STX6: variants seen among roughly 807,000 people sequenced by gnomAD.
STX6 encodes the protein syntaxin 6.
Under a neutral mutation model 38.0 loss-of-function variants are expected in STX6, and 23 were observed. The ratio of observed to expected loss-of-function variants is 0.60; its 90% CI spans 0.43 to 0.86. STX6 has a LOEUF of 0.86. Among genes scored for constraint, STX6 ranks in the 40% least tolerant of loss-of-function variants. The pLI is 0.00. For synonymous variants in STX6, 123 were observed against 107.5 expected, an observed-to-expected ratio of 1.14 and a Z score of -0.89; for missense variants, 274 against 312.9, an observed-to-expected ratio of 0.88 and a Z score of 0.94.
intron 3 of STX6, among the ~76,000 whole-genome samples, chr1:180,998,940 G>A (rs1017587541): frequency 6.6e-6 from 1 of 152,184 alleles, no homozygotes; most frequent in African/African-American, 2.4e-5. Flanking sequence ...GGTTATTTAT[G>A]CTTCTGTTCC....
At position 181,005,381 on chromosome 1, in the gene STX6, T is replaced by C; in HGVS notation, c.118A>G (p.Arg40Gly). The C allele has an allele frequency of 6.2e-7, 1 of 1,614,082 alleles. No homozygotes were observed. ...ELLQDPSTAT[R>G]EEIDWTTNEL... ...TTGGTGGTCCAGTCGATTTCTTCCC[T>C]TGTTGCTGTGGAGGGGTCCTGGAGG... The change falls in exon 2 of 8, where the codon AGG becomes GGG. Residue 40 changes from arginine (R) to glycine (G), a missense_variant. Transcript: ENST00000258301.
Position 180,993,399 on chromosome 1 carries a change from T to G in STX6, c.327A>C (p.Ser109=), listed in dbSNP as rs778304136. The change falls in exon 4 of 8, where the codon TCA becomes TCC. Residue 109 remains serine, a synonymous_variant. Coordinates refer to ENST00000258301, the MANE Select transcript of STX6 (RefSeq NM_005819.6). ...TTCTTTCAGCTAATGCCTGCACAGA[T>G]GAAGTTGACATCTGATCTTTCATGT... ...VRDMKDQMST[S]SVQALAERKN... The G allele has an allele frequency of 6.3e-7, 1 of 1,599,894 alleles. No homozygotes were observed.
intron 1 of STX6, among the ~76,000 whole-genome samples, chr1:181,020,229 T>C (rs569690769): frequency 6.6e-6 from 1 of 152,204 alleles, no homozygotes; most frequent in East Asian, 1.9e-4. Context: ...AAAAAAAATG[T>C]ATTTAATGAA....
Position 181,014,123 on chromosome 1 carries a change from C to T in STX6, c.35+8516G>A, listed in dbSNP as rs557371154. ...AATTTAATAAAAACAAACAGCCGGG[C>T]GTGGTGGCTCACGCCTGTAATCCCA... On this transcript the variant is annotated intron_variant, in intron 1 of 7. Coordinates refer to ENST00000258301, the MANE Select transcript of STX6 (RefSeq NM_005819.6). 1.6e-4 allele frequency among the ~76,000 whole-genome samples: 24 copies of T among 152,222 alleles called. No individual in the cohort carries two copies. The South Asian group carries it at 4.4e-3, about 28-fold the overall frequency.
At chr1:181,007,984 T>C in intron 1 of STX6, among the ~76,000 whole-genome samples, 1 of 152,182 alleles carries the variant, frequency 6.6e-6, no homozygotes. Flanking sequence ...GACATACATT[T>C]TGGTAGAAGC....
Position 180,975,204 on chromosome 1 carries a change from T to C in STX6, c.*1366A>G, listed in dbSNP as rs1357762172. 6.6e-6 allele frequency: 1 copy of C among 152,644 alleles called. No individual in the cohort carries two copies. Among genetic ancestry groups the C allele is most frequent in the Admixed American group, 6.5e-5 (1 of 15,288 alleles). The allele number at this position is 152,644 out of a possible 1,614,324, so 9.5% of individuals were successfully genotyped here. On this transcript the variant is annotated 3_prime_UTR_variant, in exon 8 of 8. Transcript: ENST00000258301. ...TCCAGATGTTGCTGTTCTTTCCAAG[T>C]GCAAAAGAAGGTGGTGAGGAGAGAC...
rs1412802063 is a variant in STX6 at position 181,005,412 on chromosome 1, T to G, written c.87A>C (p.Thr29=). The change falls in exon 2 of 8, where the codon ACA becomes ACC. Residue 29 remains threonine, a synonymous_variant. Transcript: ENST00000258301. ...CTGTGGAGGGGTCCTGGAGGAGCTC[T>G]GTCCATCTCTGAAACAATCCCTGGG... ...NTAQGLFQRW[T]ELLQDPSTAT... is the part of the protein sequence containing the mutation. 6.2e-7 allele frequency: 1 copy of G among 1,614,096 alleles called. No homozygotes were observed. The highest frequency in any genetic ancestry group is 8.5e-7 in the Non-Finnish European group (1 of 1,179,958).
At chr1:181,012,267 T>C (rs1230532516) in intron 1 of STX6, among the ~76,000 whole-genome samples, 1 of 152,202 alleles carries the variant, frequency 6.6e-6, no homozygotes, top group Non-Finnish European at 1.5e-5. Context: ...AGAAGCCTTT[T>C]TCAAATCCTT....
At chr1:181,022,208 C>A (rs1241627354) in intron 1 of STX6, among the ~76,000 whole-genome samples, 1 of 152,070 alleles carries the variant, frequency 6.6e-6, no homozygotes, top group Non-Finnish European at 1.5e-5. Context: ...AGCTCACCCC[C>A]GTCAACGCGA....
chr1:180,988,047 C>A (rs1655640220), intron 6 of STX6, 192 bp downstream of exon 6: 1 of 468,448 alleles, frequency 2.1e-6, no homozygotes, highest in Non-Finnish European at 3.9e-6. Flanking sequence ...TCACCTAAAG[C>A]CTGTAGTAAA....
At chr1:180,991,907 T>A (rs1278148051) in intron 4 of STX6, among the ~76,000 whole-genome samples, 1 of 128,904 alleles carries the variant, frequency 7.8e-6, no homozygotes, top group Non-Finnish European at 1.6e-5. Context: ...AATACATACA[T>A]GTATATATAC....
chr1:181,017,217 T>G (rs1319870755), intron 1 of STX6, among the ~76,000 whole-genome samples: 1 of 150,148 alleles, frequency 6.7e-6, no homozygotes, highest in Non-Finnish European at 1.5e-5. Flanking sequence ...AAACCCCGTA[T>G]CTACTGAAAA....
At chr1:180,999,934 C>T (rs775614075) in intron 3 of STX6, among the ~76,000 whole-genome samples, 8 of 152,168 alleles carry the variant, frequency 5.3e-5, no homozygotes, top group Admixed American at 1.3e-4. Context: ...TCTCTACATA[C>T]AAACACTGTT....
rs1655157845 is a variant in STX6, at chr1:180,972,876, A to C, written c.*3694T>G. 1 of 144,242 alleles carries C rather than the reference A, an allele frequency of 6.9e-6. No homozygotes were observed. 8.9% of individuals were successfully genotyped at this position (144,242 alleles called of 1,614,324 possible). A position where few individuals can be genotyped will look rare whatever the true frequency, so the allele number is the denominator to read the frequency against. On this transcript the variant is annotated 3_prime_UTR_variant, in exon 8 of 8. Transcript: ENST00000258301. ...TCTGGTTTGGTTTTATTTTTTAATC[A>C]AAAAAAAAAAAAGGAGAGAAAGAAA...
intron 4 of STX6, among the ~76,000 whole-genome samples, chr1:180,992,575 A>T (rs2102311092): frequency 6.6e-6 from 1 of 152,340 alleles, no homozygotes; most frequent in South Asian, 2.1e-4. Flanking sequence ...ATGGATATCC[A>T]CAGAATTTAA....
chr1:180,999,003 C>A (rs139287560), intron 3 of STX6, among the ~76,000 whole-genome samples: 1 of 152,224 alleles, frequency 6.6e-6, no homozygotes, highest in Non-Finnish European at 1.5e-5. Flanking sequence ...AACCCCAGTG[C>A]TTCCCACTCA....
At chr1:180,992,869 T>TA (rs1465661145) in intron 4 of STX6, among the ~76,000 whole-genome samples, 4 of 152,196 alleles carry the variant, frequency 2.6e-5, no homozygotes, top group Admixed American at 6.5e-5. Flanking sequence ...TGTCAATCCT[T>TA]AGATGTCTAA....
At chr1:181,011,303 C>T (rs1355761295) in intron 1 of STX6, among the ~76,000 whole-genome samples, 7 of 152,208 alleles carry the variant, frequency 4.6e-5, no homozygotes, top group South Asian at 2.1e-4. Context: ...TGCAGTGTAT[C>T]AGGGAATCCC....
chr1:181,010,598 G>A (rs910995206), intron 1 of STX6, among the ~76,000 whole-genome samples: 32 of 152,096 alleles, frequency 2.1e-4, no homozygotes, highest in African/African-American at 7.7e-4. Flanking sequence ...CTCCGCGCCC[G>A]GCCTCATGAA....
Sources: gnomAD v4.1 joint callset for allele counts (sites outside exome capture counted in the v4.1 genomes callset) on GRCh38, gnomAD v4.1.1 for gene constraint, MANE v1.5 for transcripts, NCBI Gene and HGNC (gene_info 2026-07-23, HGNC 2026-07-21) for gene names.